The following MSH3 variants were observed in gnomAD, a reference collection of about 807,000 sequenced individuals.
The protein encoded by MSH3 is mutS homolog 3, also known as DNA mismatch repair protein Msh3.
MSH3 carries 106 observed loss-of-function variants against 123.3 expected under a neutral mutation model. The observed-to-expected ratio is 0.86, with a 90% CI of 0.73 to 1.01. The LOEUF is 1.01. Among genes scored for constraint, MSH3 ranks in the 50% least tolerant of loss-of-function variants. The pLI is 0.00. For synonymous variants in MSH3, 515 were observed against 481.4 expected (o/e 1.07, Z -0.91); for missense variants, 1,459 against 1,347.6 (o/e 1.08, Z -1.29).
intron 9 of MSH3, among the ~76,000 whole-genome samples, chr5:80,728,635 C>CT (rs1325410531): frequency 2.0e-5 from 3 of 151,972 alleles, no homozygotes; most frequent in Admixed American, 6.6e-5. Flanking sequence ...GAAAAATGCC[C>CT]TTTTTTTCCA....
intron 20 of MSH3, among the ~76,000 whole-genome samples, chr5:80,829,369 GT>G (rs1163855501): frequency 6.6e-6 from 1 of 152,106 alleles, no homozygotes; most frequent in African/African-American, 2.4e-5. Context: ...TTAGCTATAG[GT>G]TTTTTTGTGA....
At chr5:80,749,612 A>G (rs779746487) in intron 12 of MSH3, among the ~76,000 whole-genome samples, 44 of 152,172 alleles carry the variant, frequency 2.9e-4, no homozygotes, top group Non-Finnish European at 4.1e-4. Context: ...AACCATCACA[A>G]TATTCATGGG....
chr5:80,807,886 C>T (rs1485545011), intron 19 of MSH3, among the ~76,000 whole-genome samples: 12 of 152,144 alleles, frequency 7.9e-5, no homozygotes. Flanking sequence ...CTGGAATACC[C>T]AGAGAAAATC....
chr5:80,805,111 T>C (rs569446317), intron 19 of MSH3, among the ~76,000 whole-genome samples: 1 of 152,368 alleles, frequency 6.6e-6, no homozygotes, highest in South Asian at 2.1e-4. Flanking sequence ...TTGAAGTTTG[T>C]TCTAGTGTAA....
Position 80,813,719 on chromosome 5 carries a change from A to G in MSH3, c.2791A>G (p.Ile931Val). Residue 931 changes from isoleucine to valine, a missense_variant, in exon 20 of 24, where the codon ATT (isoleucine) becomes GTT (valine). Physicochemically the swap from Ile to Val is conservative, Grantham distance 29. Transcript: ENST00000265081. The stretch of plus-strand genomic sequence containing the variant: ...TCCTGCAGAAGAAGCGACAATTGGG[A>G]TTGTGGATGGCATTTTCACAAGGTA... ...YVPAEEATIG[I>V]VDGIFTRMGA... is the part of the protein sequence containing the mutation. The G allele has an allele frequency of 6.2e-7, 1 of 1,614,162 alleles. No homozygotes were observed. The highest frequency in any genetic ancestry group is 8.5e-7 in the Non-Finnish European group (1 of 1,180,018).
intron 19 of MSH3, among the ~76,000 whole-genome samples, chr5:80,805,980 T>G (rs2112043339): frequency 6.6e-6 from 1 of 152,368 alleles, no homozygotes; most frequent in African/African-American, 2.4e-5. Context: ...CTTTTGTGCC[T>G]TAAATAGGAA....
chr5:80,780,703 C>G (rs1483990947), intron 17 of MSH3, among the ~76,000 whole-genome samples: 1 of 152,116 alleles, frequency 6.6e-6, no homozygotes, highest in Non-Finnish European at 1.5e-5. Flanking sequence ...CCTGTTTCTA[C>G]TAAAAATACA....
chr5:80,742,265 C>G (rs933799802), intron 11 of MSH3, among the ~76,000 whole-genome samples: 3 of 152,220 alleles, frequency 2.0e-5, no homozygotes, highest in Non-Finnish European at 2.9e-5. Flanking sequence ...CTGCCTCGGC[C>G]TCCCAAAATC....
At chr5:80,825,981 T>G (rs372533664) in intron 20 of MSH3, among the ~76,000 whole-genome samples, 2 of 152,204 alleles carry the variant, frequency 1.3e-5, no homozygotes, top group East Asian at 3.9e-4. Context: ...TTTAATTCCT[T>G]TTTGTCTTGG....
chr5:80,737,782 C>T (rs1220995115), intron 10 of MSH3, among the ~76,000 whole-genome samples: 1 of 152,096 alleles, frequency 6.6e-6, no homozygotes, highest in Non-Finnish European at 1.5e-5. Flanking sequence ...CTTATAAATA[C>T]TTACGAAATA....
intron 20 of MSH3, among the ~76,000 whole-genome samples, chr5:80,848,625 T>G (rs1226173719): frequency 6.6e-6 from 1 of 152,226 alleles, no homozygotes; most frequent in Non-Finnish European, 1.5e-5. Context: ...AAAGATATTG[T>G]GCAGGGAAAT....
chr5:80,810,098 A>C (rs1407671834), intron 19 of MSH3, among the ~76,000 whole-genome samples: 1 of 149,568 alleles, frequency 6.7e-6, no homozygotes, highest in African/African-American at 2.5e-5. Context: ...TTCATCTCCT[A>C]ACCTACATGG....
At chr5:80,826,398 A>T (rs1580073705) in intron 20 of MSH3, among the ~76,000 whole-genome samples, 1 of 152,340 alleles carries the variant, frequency 6.6e-6, no homozygotes, top group East Asian at 1.9e-4. Flanking sequence ...TGTATCTGTA[A>T]ATAGATTCTA....
At chr5:80,843,858 C>A (rs1360351841) in intron 20 of MSH3, among the ~76,000 whole-genome samples, 1 of 152,060 alleles carries the variant, frequency 6.6e-6, no homozygotes, top group African/African-American at 2.4e-5. Context: ...AAAACTAGCT[C>A]CTGGATTCAT....
chr5:80,814,461 A>T (rs1180383729), intron 20 of MSH3, among the ~76,000 whole-genome samples: 1 of 130,912 alleles, frequency 7.6e-6, no homozygotes, highest in Non-Finnish European at 1.6e-5. Context: ...TAGTAGAGAC[A>T]GGGTTTTGCC....
chr5:80,840,500 G>A (rs781483004), intron 20 of MSH3, among the ~76,000 whole-genome samples: 32 of 151,874 alleles, frequency 2.1e-4, no homozygotes, highest in African/African-American at 6.0e-4. Flanking sequence ...TGCAAACTCC[G>A]CCTCCCAGGT....
At chr5:80,660,592 T>G (rs1045990477) in intron 2 of MSH3, among the ~76,000 whole-genome samples, 3 of 152,208 alleles carry the variant, frequency 2.0e-5, no homozygotes, top group Admixed American at 6.5e-5. Flanking sequence ...AAAAGTCATA[T>G]TTAGAAGAAA....
At chr5:80,845,415 T>G (rs533900921) in intron 20 of MSH3, among the ~76,000 whole-genome samples, 1 of 152,310 alleles carries the variant, frequency 6.6e-6, no homozygotes, top group Non-Finnish European at 1.5e-5. Context: ...CTTTGTGGTG[T>G]TCTCTGTATT....
At chr5:80,703,292 A>T (rs1750650335) in intron 8 of MSH3, among the ~76,000 whole-genome samples, 1 of 152,220 alleles carries the variant, frequency 6.6e-6, no homozygotes, top group African/African-American at 2.4e-5. Flanking sequence ...TCATTTATGT[A>T]TGAATTACCT....
Sources: gnomAD v4.1 joint callset for allele counts (sites outside exome capture counted in the v4.1 genomes callset) on GRCh38, gnomAD v4.1.1 for gene constraint, MANE v1.5 for transcripts, NCBI Gene and HGNC (gene_info 2026-07-23, HGNC 2026-07-21) for gene names.